The following GPHN variants were observed in gnomAD, a reference collection of about 807,000 sequenced individuals.
GPHN encodes the protein gephyrin.
A neutral mutation model predicts 95.5 loss-of-function variants in GPHN; 17 were observed. That is an observed-to-expected ratio of 0.18 (90% CI 0.12 to 0.27). The LOEUF is 0.27. Among genes scored for constraint, GPHN ranks in the 10% least tolerant of loss-of-function variants. The pLI is 1.00. For missense variants in GPHN, 660 were observed against 978.1 expected, an observed-to-expected ratio of 0.67 and a Z score of 4.34; for synonymous variants, 320 against 322.5, an observed-to-expected ratio of 0.99 and a Z score of 0.08.
At chr14:67,256,797 G>GACACACACACACACACACACACACAC in the GPHN span, among the ~76,000 whole-genome samples, 10 of 147,682 alleles carry the variant, frequency 6.8e-5, no homozygotes, top group Non-Finnish European at 1.5e-4. Flanking sequence ...AGAAACTATT[G>GACACACACACACACACACACACACAC]ACACACACAC....
At chr14:67,325,427 A>T in the GPHN span, among the ~76,000 whole-genome samples, 1 of 151,886 alleles carries the variant, frequency 6.6e-6, no homozygotes, top group Non-Finnish European at 1.5e-5. Context: ...CCCCTTTTTC[A>T]TTTCCGCCAT....
the GPHN span, chr14:67,659,824 G>A: frequency 6.2e-7 from 1 of 1,614,044 alleles, no homozygotes; most frequent in African/African-American, 1.3e-5. Context: ...CCTCCCGATG[G>A]AGTTTAGCAA....
At chr14:67,652,390 GA>G in the GPHN span, 1 of 178,418 alleles carries the variant, frequency 5.6e-6, no homozygotes, top group Non-Finnish European at 1.2e-5. Context: ...CTTGGGAAAT[GA>G]AACCACAGCC....
chr14:66,741,459 G>T (rs1226405214), intron 2 of GPHN, among the ~76,000 whole-genome samples: 4 of 152,076 alleles, frequency 2.6e-5, no homozygotes, highest in African/African-American at 9.7e-5. Flanking sequence ...ATTTATTCAG[G>T]AGTATAAGGC....
chr14:67,392,633 T>A, the GPHN span: 27 of 1,587,842 alleles, frequency 1.7e-5, no homozygotes, highest in Middle Eastern at 1.7e-4. Context: ...TTTGCCCTGG[T>A]GGCAAGAAGA....
chr14:67,569,747 C>G, the GPHN span: 246,538 of 612,600 alleles, frequency 0.4, 51,312 homozygotes, highest in Non-Finnish European at 0.43. Flanking sequence ...ACATGGAGAT[C>G]ATGGTCCCCA....
At chr14:67,451,815 A>G in the GPHN span, among the ~76,000 whole-genome samples, 2 of 152,150 alleles carry the variant, frequency 1.3e-5, no homozygotes, top group African/African-American at 4.8e-5. Context: ...TTGGGACGGC[A>G]TGATTGATTT....
At chr14:67,364,773 G>T in the GPHN span, 2 of 1,608,130 alleles carry the variant, frequency 1.2e-6, no homozygotes, top group South Asian at 1.1e-5. Context: ...GCAGAATGCC[G>T]GGTCTAAGTT....
intron 4 of GPHN, among the ~76,000 whole-genome samples, chr14:66,857,599 T>A (rs2062853822): frequency 6.6e-6 from 1 of 151,882 alleles, no homozygotes; most frequent in Non-Finnish European, 1.5e-5. Flanking sequence ...GTAAAGCAAG[T>A]TGGCCAAATA....
the GPHN span, among the ~76,000 whole-genome samples, chr14:67,672,466 TAC>T: frequency 8.7e-6 from 1 of 114,540 alleles, no homozygotes; most frequent in East Asian, 2.4e-4. Context: ...TTTTTTTTGA[TAC>T]AGAGTCTTGA....
At chr14:67,584,077 G>A in the GPHN span, 17 of 1,613,828 alleles carry the variant, frequency 1.1e-5, no homozygotes, top group African/African-American at 5.3e-5. Flanking sequence ...CTACCTGACC[G>A]TGGCCAGGAA....
chr14:67,199,830 T>A, the GPHN span: 1 of 1,500,950 alleles, frequency 6.7e-7, no homozygotes, highest in Non-Finnish European at 9.0e-7. Context: ...CCACCTGGGA[T>A]ACCCCCAGCC....
At chr14:66,914,779 C>G (rs2065829040) in intron 5 of GPHN, among the ~76,000 whole-genome samples, 1 of 151,942 alleles carries the variant, frequency 6.6e-6, no homozygotes, top group Non-Finnish European at 1.5e-5. Context: ...AATCAATTAG[C>G]TATCATATTG....
At chr14:66,745,569 A>C (rs2058111659) in intron 2 of GPHN, among the ~76,000 whole-genome samples, 1 of 152,144 alleles carries the variant, frequency 6.6e-6, no homozygotes, top group Non-Finnish European at 1.5e-5. Flanking sequence ...TGTCTTCACC[A>C]TTTTGTTATA....
chr14:66,767,145 C>T (rs1006325587), intron 2 of GPHN, among the ~76,000 whole-genome samples: 3 of 151,846 alleles, frequency 2.0e-5, no homozygotes, highest in African/African-American at 4.8e-5. Context: ...ATGCCTATTA[C>T]GCATTTCTAC....
At chr14:67,008,263 C>T (rs1231012632) in intron 9 of GPHN, among the ~76,000 whole-genome samples, 3 of 151,784 alleles carry the variant, frequency 2.0e-5, no homozygotes, top group African/African-American at 7.3e-5. Context: ...ACCAGCCTGA[C>T]CAACATGATG....
chr14:66,691,961 T>C (rs1033642985), intron 2 of GPHN, among the ~76,000 whole-genome samples: 2 of 152,192 alleles, frequency 1.3e-5, no homozygotes, highest in African/African-American at 4.8e-5. Flanking sequence ...CATTTTTCTT[T>C]TTCTATGTTT....
chr14:67,148,285 G>A (rs1227219292), intron 18 of GPHN, among the ~76,000 whole-genome samples: 5 of 152,096 alleles, frequency 3.3e-5, no homozygotes, highest in East Asian at 3.9e-4. Context: ...TAGGACAGGC[G>A]TTAATCAGTA....
At chr14:66,922,622 A>C in intron 6 of GPHN, 44 bp from the exon 7 acceptor site, 3 of 1,525,774 alleles carry the variant, frequency 2.0e-6, no homozygotes, top group Non-Finnish European at 2.7e-6. Flanking sequence ...ATATAATTAC[A>C]AAAGTGCTTC....
Sources: allele counts gnomAD v4.1 joint callset (sites outside exome capture counted in the v4.1 genomes callset), GRCh38; gene constraint gnomAD v4.1.1; transcripts MANE v1.5; gene names NCBI Gene and HGNC (gene_info 2026-07-23, HGNC 2026-07-21).